OOSP1: variants seen among roughly 807,000 people sequenced by gnomAD.
OOSP1 encodes oocyte secreted protein 1.
OOSP1 carries 11 observed loss-of-function variants against 5.7 expected under a neutral mutation model. The observed-to-expected ratio is 1.94, with a 90% confidence interval of 1.22 to 3.20. The LOEUF (loss-of-function observed/expected upper bound fraction) is 3.20. Ranked by LOEUF, OOSP1 falls within the 30% of genes most tolerant of loss-of-function variation. The probability of loss-of-function intolerance (pLI) is 0.00; values close to 1 mark genes in which losing one functional copy is unlikely to be tolerated. For synonymous variants in OOSP1, 44 were observed against 20.0 expected (o/e 2.20, Z -3.20); for missense variants, 83 against 54.1 (o/e 1.53, Z -1.67).
intron 4 of OOSP1, among the ~76,000 whole-genome samples, chr11:59,948,273 T>C (rs968134853): frequency 2.0e-5 from 3 of 152,158 alleles, no homozygotes; most frequent in Non-Finnish European, 4.4e-5. Context: ...TAAGTCTGTG[T>C]TGCAGCTTTT....
At chr11:59,950,953 A>C (rs1291185032) in intron 4 of OOSP1, among the ~76,000 whole-genome samples, 1 of 152,122 alleles carries the variant, frequency 6.6e-6, no homozygotes, top group African/African-American at 2.4e-5. Context: ...GATGTTTAAG[A>C]AATGATTAAG....
chr11:59,939,162 CCTT>C (rs1462109686), intron 1 of OOSP1, among the ~76,000 whole-genome samples: 1 of 151,880 alleles, frequency 6.6e-6, no homozygotes, highest in African/African-American at 2.4e-5. Context: ...TTCTCTCCTC[CCTT>C]CTTTCTTCCT....
At chr11:59,954,768 G>A (rs1853977511) in intron 4 of OOSP1, among the ~76,000 whole-genome samples, 1 of 151,994 alleles carries the variant, frequency 6.6e-6, no homozygotes, top group African/African-American at 2.4e-5. Context: ...GGGTTGGAGG[G>A]AGAAAACTGT....
At position 59,945,182 on chromosome 11, in the gene OOSP1, T is replaced by A. The variant is rs1289998768; in HGVS notation, c.272T>A (p.Val91Asp). The A allele has an allele frequency of 4.3e-6, 3 of 702,784 alleles. No individual in the cohort carries two copies. The African/African-American group carries it at 5.2e-5, about 12-fold the overall frequency. 43.5% of individuals were successfully genotyped at this position (702,784 alleles called of 1,614,324 possible). The change falls in exon 3 of 5, where the codon GTT (valine) becomes GAT (aspartate). Residue 91 changes from valine (V) to aspartate (D), a missense_variant. Val to Asp is a radical substitution (Grantham distance 152). Transcript: ENST00000646685. ...TTTGTCTTGTAGCCTCTCCAGGAAG[T>A]TCTTCTGCTTAAAACTAAAATCAGG...
chr11:59,956,029 CA>C (rs1266423639), intron 4 of OOSP1, among the ~76,000 whole-genome samples: 1 of 152,094 alleles, frequency 6.6e-6, no homozygotes, highest in African/African-American at 2.4e-5. Context: ...CAGTGCCACT[CA>C]AAGAATGACA....
intron 1 of OOSP1, 97 bp downstream of exon 1, chr11:59,938,627 A>G (rs1410391316): frequency 1.2e-5 from 5 of 408,332 alleles, no homozygotes; most frequent in Non-Finnish European, 2.2e-5. Context: ...AATCTTAATA[A>G]TAGCCAAGGA....
chr11:59,950,098 A>G (rs1357187231), intron 4 of OOSP1, among the ~76,000 whole-genome samples: 1 of 152,206 alleles, frequency 6.6e-6, no homozygotes, highest in African/African-American at 2.4e-5. Flanking sequence ...GTTCAGGTCA[A>G]TTGATCTAAA....
chr11:59,944,943 AC>A (rs1452979328), intron 2 of OOSP1, among the ~76,000 whole-genome samples: 1 of 152,168 alleles, frequency 6.6e-6, no homozygotes, highest in Non-Finnish European at 1.5e-5. Flanking sequence ...CTTTTAACTA[AC>A]AAGTATTGCT....
At chr11:59,953,783 A>G (rs537144471) in intron 4 of OOSP1, among the ~76,000 whole-genome samples, 1 of 152,216 alleles carries the variant, frequency 6.6e-6, no homozygotes, top group South Asian at 2.1e-4. Flanking sequence ...GGAAATCGAC[A>G]TGTAATATAG....
At chr11:59,947,468 A>G (rs1305664675) in intron 3 of OOSP1, among the ~76,000 whole-genome samples, 1 of 152,166 alleles carries the variant, frequency 6.6e-6, no homozygotes, top group African/African-American at 2.4e-5. Flanking sequence ...AGAGAAATTA[A>G]GTTACTTGGT....
chr11:59,941,015 G>A (rs193283720), intron 1 of OOSP1, among the ~76,000 whole-genome samples: 6 of 152,310 alleles, frequency 3.9e-5, no homozygotes, highest in African/African-American at 1.4e-4. Context: ...TAATCAGGAT[G>A]CCACTTTTAG....
intron 4 of OOSP1, among the ~76,000 whole-genome samples, chr11:59,956,042 G>A (rs1224783430): frequency 1.3e-5 from 2 of 152,178 alleles, no homozygotes; most frequent in Non-Finnish European, 2.9e-5. Flanking sequence ...AGAATGACAT[G>A]TGATTAATGG....
rs539737129 is a variant in OOSP1, at chr11:59,957,176, A to G, written c.487-19A>G. On this transcript the variant is annotated intron_variant, in intron 4 of 4. Transcript: ENST00000646685. The stretch of plus-strand genomic sequence containing the variant: ...AATGTAATTGATGAATCTACTTAAA[A>G]TTTATTTTGTACCCTCAGGTTTTAA... 1.5e-5 allele frequency: 6 copies of G among 397,668 alleles called. No individual in the cohort carries two copies. Among genetic ancestry groups the G allele is most frequent in the African/African-American group, 1.2e-4 (6 of 48,690 alleles). The allele number at this position is 397,668 out of a possible 1,614,324, so 24.6% of individuals were successfully genotyped here.
chr11:59,940,685 T>C (rs1853815744), intron 1 of OOSP1, among the ~76,000 whole-genome samples: 1 of 152,248 alleles, frequency 6.6e-6, no homozygotes, highest in South Asian at 2.1e-4. Context: ...TCTTTTTGTG[T>C]GTGCATATCT....
chr11:59,942,777 G>T (rs2134565034), intron 1 of OOSP1, 70 bp from the exon 2 acceptor site: 2 of 642,710 alleles, frequency 3.1e-6, no homozygotes, highest in South Asian at 1.8e-5. Flanking sequence ...TATTAACAGG[G>T]TATGCTAAAT....
At chr11:59,940,797 C>T (rs1266452996) in intron 1 of OOSP1, among the ~76,000 whole-genome samples, 2 of 152,068 alleles carry the variant, frequency 1.3e-5, no homozygotes, top group Admixed American at 6.6e-5. Flanking sequence ...TTACTTTTTG[C>T]TAATGTGGAT....
At chr11:59,942,395 C>T (rs1453054550) in intron 1 of OOSP1, among the ~76,000 whole-genome samples, 1 of 152,090 alleles carries the variant, frequency 6.6e-6, no homozygotes, top group Non-Finnish European at 1.5e-5. Flanking sequence ...GTGGACAAGT[C>T]TTTATATATC....
At chr11:59,939,122 A>T (rs1416994644) in intron 1 of OOSP1, among the ~76,000 whole-genome samples, 1 of 151,312 alleles carries the variant, frequency 6.6e-6, no homozygotes, top group Non-Finnish European at 1.5e-5. Context: ...CTCTTCCTCT[A>T]TTTCTGCTTC....
At chr11:59,940,209 A>G (rs1407317439) in intron 1 of OOSP1, among the ~76,000 whole-genome samples, 1 of 152,274 alleles carries the variant, frequency 6.6e-6, no homozygotes, top group African/African-American at 2.4e-5. Context: ...ATGGATAACT[A>G]AGTTTAAAAA....
Sources: gnomAD v4.1 joint callset for allele counts (sites outside exome capture counted in the v4.1 genomes callset) on GRCh38, gnomAD v4.1.1 for gene constraint, MANE v1.5 for transcripts, NCBI Gene and HGNC (gene_info 2026-07-23, HGNC 2026-07-21) for gene names.